CAMTA1: variants seen among roughly 807,000 people sequenced by gnomAD.
CAMTA1 encodes the protein calmodulin binding transcription activator 1, also known as calmodulin-binding transcription activator 1.
A neutral mutation model predicts 170.9 loss-of-function variants in CAMTA1; 27 were observed. That is an observed-to-expected ratio of 0.16 (90% confidence interval 0.12 to 0.22). The LOEUF (loss-of-function observed/expected upper bound fraction) is 0.22. CAMTA1 is among the 10% of genes least tolerant of loss of function. The pLI is 1.00. For missense variants in CAMTA1, 1,619 were observed against 2,217.2 expected (o/e 0.73, Z 5.42); for synonymous variants, 833 against 891.5 (o/e 0.93, Z 1.17).
intron 5 of CAMTA1, among the ~76,000 whole-genome samples, chr1:7,393,860 C>T (rs1490045263): frequency 2.0e-5 from 3 of 152,230 alleles, no homozygotes; most frequent in African/African-American, 7.2e-5. Flanking sequence ...CATCCTCCCT[C>T]TCCAGGTTCT....
At position 7,204,872 on chromosome 1, in the gene CAMTA1, C is replaced by T. The variant is rs184410608; in HGVS notation, c.303-44619C>T. On this transcript the variant is annotated intron_variant, in intron 4 of 22. Transcript: ENST00000303635. ...TGAGGCAGAGTCTTGCTCTGTCACC[C>T]AGGCTGAAGTGCAGTGGCACGACCT... Among the ~76,000 whole-genome samples the T allele has an allele frequency of 5.0e-5, 7 of 139,874 alleles. No homozygotes were observed. In the East Asian group the frequency reaches 1.2e-3, roughly 25 times the overall value. 91.8% of individuals were successfully genotyped at this position (139,874 alleles called of 152,430 possible). A position where few individuals can be genotyped will look rare whatever the true frequency, so the allele number is the denominator to read the frequency against.
chr1:6,859,043 T>A (rs929486586), intron 3 of CAMTA1, among the ~76,000 whole-genome samples: 2 of 152,352 alleles, frequency 1.3e-5, no homozygotes, highest in African/African-American at 4.8e-5. Context: ...TATATACTTA[T>A]AAAAGTAATA....
rs181876129 is a variant in CAMTA1 at position 6,934,306 on chromosome 1, G to A, written c.234+109096G>A. Reference sequence around the variant, plus strand: ...AGGCATGCTCCCGGAAGTTAGCATCGCTCATGGCCCTCAGTCAGGGCATGG... The same window carrying A: ...AGGCATGCTCCCGGAAGTTAGCATCACTCATGGCCCTCAGTCAGGGCATGG... On this transcript the variant is annotated intron_variant, in intron 3 of 22. Transcript: ENST00000303635. This position sits in a 1 kb window ranked among gnomAD's most constrained non-coding sequence, Gnocchi z 4.5. 3.2e-4 allele frequency among the ~76,000 whole-genome samples: 49 copies of A among 152,254 alleles called. No homozygotes were observed. In the East Asian group the frequency reaches 7.5e-3, roughly 23 times the overall value.
intron 4 of CAMTA1, among the ~76,000 whole-genome samples, chr1:7,180,966 C>T (rs1490016945): frequency 1.3e-5 from 2 of 152,180 alleles, no homozygotes; most frequent in Non-Finnish European, 2.9e-5. Context: ...AGAACAATAT[C>T]ACTTATAAAC....
rs759027370 is a variant in CAMTA1, at chr1:7,456,592, G to A, written c.439-11238G>A. Among the ~76,000 whole-genome samples the A allele has an allele frequency of 1.2e-4, 19 of 152,208 alleles. No homozygotes were observed. Among genetic ancestry groups the A allele is most frequent in the African/African-American group, 2.4e-4 (10 of 41,456 alleles). On this transcript the variant is annotated intron_variant, in intron 5 of 22. Transcript: ENST00000303635. This position sits in a 1 kb window ranked among gnomAD's most constrained non-coding sequence, Gnocchi z 4.9. ...CAGAGCTCCTGCTGATGACAGGACC[G>A]CAGATCCCAGCAGCCTGGCACACCC... is the stretch of plus-strand genomic sequence containing the variant.
intron 4 of CAMTA1, among the ~76,000 whole-genome samples, chr1:7,164,526 C>A (rs1210183672): frequency 6.6e-6 from 1 of 152,226 alleles, no homozygotes; most frequent in African/African-American, 2.4e-5. Flanking sequence ...GGCACCCCTG[C>A]AACACACAGC....
chr1:7,078,099 T>A (rs117766637), intron 3 of CAMTA1, among the ~76,000 whole-genome samples: 1 of 152,350 alleles, frequency 6.6e-6, no homozygotes, highest in East Asian at 1.9e-4. Context: ...ACCAAGTGGA[T>A]GCAGCATATT....
chr1:7,324,514 TG>T (rs1197026996), intron 5 of CAMTA1, among the ~76,000 whole-genome samples: 1 of 152,226 alleles, frequency 6.6e-6, no homozygotes, highest in Non-Finnish European at 1.5e-5. Flanking sequence ...GTTGTGTTTT[TG>T]TTTGTTTTGC....
At chr1:6,999,448 A>C (rs1697850515) in intron 3 of CAMTA1, among the ~76,000 whole-genome samples, 1 of 152,108 alleles carries the variant, frequency 6.6e-6, no homozygotes, top group Non-Finnish European at 1.5e-5. Context: ...CGGTGGTGCC[A>C]TCTTGGCTCA....
intron 5 of CAMTA1, among the ~76,000 whole-genome samples, chr1:7,355,533 C>T (rs906436038): frequency 6.6e-6 from 1 of 152,242 alleles, no homozygotes; most frequent in Admixed American, 6.5e-5. Flanking sequence ...CACCCCTACC[C>T]CCAAAATATA....
chr1:7,616,073 T>C (rs892629997), intron 6 of CAMTA1, among the ~76,000 whole-genome samples: 1 of 152,236 alleles, frequency 6.6e-6, no homozygotes, highest in Non-Finnish European at 1.5e-5. Context: ...AGGATGTTTT[T>C]CCTCCATTCA....
chr1:7,284,988 C>T (rs1460472930), intron 5 of CAMTA1, among the ~76,000 whole-genome samples: 1 of 152,196 alleles, frequency 6.6e-6, no homozygotes. Context: ...CTCAAGCAGC[C>T]CTCTGGGAAA....
intron 1 of CAMTA1, among the ~76,000 whole-genome samples, chr1:6,799,078 T>TA (rs1226878455): frequency 6.6e-6 from 1 of 152,088 alleles, no homozygotes; most frequent in Non-Finnish European, 1.5e-5. Context: ...TATTATTAAT[T>TA]AAAAAAATTT....
intron 3 of CAMTA1, among the ~76,000 whole-genome samples, chr1:6,994,059 T>C (rs747217255): frequency 2.0e-5 from 3 of 152,184 alleles, no homozygotes; most frequent in Non-Finnish European, 4.4e-5. Context: ...GTAGTTAATA[T>C]TTGTATCACT....
intron 6 of CAMTA1, among the ~76,000 whole-genome samples, chr1:7,594,001 C>A (rs968757165): frequency 1.8e-4 from 26 of 144,728 alleles, no homozygotes; most frequent in Non-Finnish European, 3.2e-4. Context: ...AAGATCGTAC[C>A]ACTACACTCC....
At chr1:7,191,659 A>C (rs1401193291) in intron 4 of CAMTA1, among the ~76,000 whole-genome samples, 3 of 152,220 alleles carry the variant, frequency 2.0e-5, no homozygotes, top group Admixed American at 2.0e-4. Context: ...GTTTCAGGGA[A>C]CATGTAATTT....
intron 4 of CAMTA1, among the ~76,000 whole-genome samples, chr1:7,245,098 GT>G (rs1165297246): frequency 6.6e-6 from 1 of 150,934 alleles, no homozygotes; most frequent in African/African-American, 2.4e-5. Flanking sequence ...ATTTAATTTT[GT>G]TTTTCTGTAG....
chr1:7,713,981 CAG>C (rs970058998), intron 11 of CAMTA1, among the ~76,000 whole-genome samples: 10 of 152,190 alleles, frequency 6.6e-5, no homozygotes, highest in South Asian at 2.1e-4. Flanking sequence ...AAGTTATGAA[CAG>C]GGGCTGGGCA....
intron 5 of CAMTA1, among the ~76,000 whole-genome samples, chr1:7,385,025 T>C (rs1185206819): frequency 6.6e-6 from 1 of 151,648 alleles, no homozygotes; most frequent in Admixed American, 6.6e-5. Context: ...CAGCTGGAAG[T>C]TGGACCACCC....
Sources: allele counts gnomAD v4.1 joint callset (sites outside exome capture counted in the v4.1 genomes callset), GRCh38; gene constraint gnomAD v4.1.1; non-coding constraint Gnocchi (gnomAD v3.1); transcripts MANE v1.5; gene names NCBI Gene and HGNC (gene_info 2026-07-23, HGNC 2026-07-21).